DLG1: variants seen among roughly 807,000 people sequenced by gnomAD.
DLG1 encodes discs large MAGUK scaffold protein 1.
A neutral mutation model predicts 123.4 loss-of-function variants in DLG1; 42 were observed. That is an observed-to-expected ratio of 0.34 (90% CI 0.27 to 0.44). The LOEUF is 0.44. DLG1 is among the 20% of genes least tolerant of loss of function. The pLI, the probability that DLG1 is intolerant of heterozygous loss-of-function variation, is 1.00. For synonymous variants in DLG1, 317 were observed against 356.2 expected (o/e 0.89, Z 1.24); for missense variants, 942 against 1,082.6 (o/e 0.87, Z 1.82).
At chr3:197,278,130 A>C (rs1767412048) in intron 4 of DLG1, among the ~76,000 whole-genome samples, 3 of 151,620 alleles carry the variant, frequency 2.0e-5, no homozygotes, top group Non-Finnish European at 4.4e-5. Context: ...ACAAAAATAC[A>C]AAAATTAGCC....
intron 22 of DLG1, among the ~76,000 whole-genome samples, chr3:197,064,077 G>A (rs536997031): frequency 1.3e-5 from 2 of 151,486 alleles, no homozygotes; most frequent in South Asian, 2.1e-4. Flanking sequence ...GCACCACCAC[G>A]CCAAGTTAAT....
chr3:197,054,296 T>C (rs938422717), intron 23 of DLG1, among the ~76,000 whole-genome samples: 13 of 148,630 alleles, frequency 8.7e-5, no homozygotes, highest in Non-Finnish European at 5.9e-5. Context: ...ATTTGGGATG[T>C]TTTTGGCCAT....
intron 5 of DLG1, among the ~76,000 whole-genome samples, chr3:197,163,181 T>G (rs934626728): frequency 6.6e-6 from 1 of 152,164 alleles, no homozygotes; most frequent in African/African-American, 2.4e-5. Context: ...AAGTGTCTAA[T>G]TAAAACAAAA....
In DLG1 at chr3:197,258,459, C is replaced by A. The variant is rs552147320; in HGVS notation, c.318+24220G>T. 1.2e-4 allele frequency among the ~76,000 whole-genome samples: 19 copies of A among 152,212 alleles called. No homozygotes were observed. In the East Asian group the frequency reaches 2.9e-3, roughly 23 times the overall value. ...GGGGGGGAACAACCAAAAAACTAAT[C>A]ATCATTGCTTTAGCTCAACCCACAT... is the stretch of plus-strand genomic sequence containing the variant. On this transcript the variant is annotated intron_variant, in intron 4 of 24. Transcript: ENST00000667157.
intron 4 of DLG1, among the ~76,000 whole-genome samples, chr3:197,198,450 G>C (rs1461935264): frequency 7.2e-6 from 1 of 139,282 alleles, no homozygotes; most frequent in Non-Finnish European, 1.5e-5. Context: ...CCAGGCCACT[G>C]TACTCCAGCC....
intron 5 of DLG1, among the ~76,000 whole-genome samples, chr3:197,162,938 T>C (rs1328206972): frequency 6.6e-6 from 1 of 152,168 alleles, no homozygotes; most frequent in African/African-American, 2.4e-5. Flanking sequence ...GAGAAGGTAT[T>C]TGCAAATCAT....
intron 4 of DLG1, among the ~76,000 whole-genome samples, chr3:197,262,868 A>G (rs540450181): frequency 1.3e-5 from 2 of 152,190 alleles, no homozygotes; most frequent in Non-Finnish European, 2.9e-5. Context: ...ACCTAAATAC[A>G]TATGTATGTA....
chr3:197,056,101 A>T (rs1731488130), intron 23 of DLG1, among the ~76,000 whole-genome samples: 1 of 152,192 alleles, frequency 6.6e-6, no homozygotes, highest in Admixed American at 6.5e-5. Flanking sequence ...TTCCCCTGGA[A>T]GTCATAAGCC....
At chr3:197,266,220 A>C (rs1761622244) in intron 4 of DLG1, among the ~76,000 whole-genome samples, 1 of 152,176 alleles carries the variant, frequency 6.6e-6, no homozygotes, top group Non-Finnish European at 1.5e-5. Flanking sequence ...GCATGTAAAG[A>C]AGCAAGGAAA....
intron 4 of DLG1, among the ~76,000 whole-genome samples, chr3:197,219,348 T>C (rs1420462874): frequency 6.6e-6 from 1 of 152,190 alleles, no homozygotes; most frequent in Non-Finnish European, 1.5e-5. Context: ...TTAAACCACA[T>C]CACCTTTACT....
At position 197,140,184 on chromosome 3, in the gene DLG1, G is replaced by A; in HGVS notation, c.669C>T (p.Thr223=). 1 of 1,613,218 alleles carries A rather than the reference G, an allele frequency of 6.2e-7. No homozygotes were observed. Among genetic ancestry groups the A allele is most frequent in the Non-Finnish European group, 8.5e-7 (1 of 1,179,542 alleles). The change falls in exon 8 of 25, where the codon ACC becomes ACT. Residue 223 remains threonine (T), a synonymous_variant. Transcript: ENST00000667157. ...CGGCTGCTCCCCCTGTGATAATTTT[G>A]GTAATGAAAATACTTGAGTCATCTC... The part of the protein sequence containing the change: ...HIGDDSSIFI[T]KIITGGAAAQ...
intron 10 of DLG1, among the ~76,000 whole-genome samples, chr3:197,132,169 A>C (rs1454385421): frequency 6.6e-6 from 1 of 151,096 alleles, no homozygotes; most frequent in East Asian, 1.9e-4. Flanking sequence ...CAAAGGACCA[A>C]CTTTCAGTTT....
intron 4 of DLG1, among the ~76,000 whole-genome samples, chr3:197,215,365 G>A (rs1227109676): frequency 6.6e-6 from 1 of 152,008 alleles, no homozygotes; most frequent in Non-Finnish European, 1.5e-5. Context: ...TGTGACTCCT[G>A]TATCATACCA....
intron 5 of DLG1, among the ~76,000 whole-genome samples, chr3:197,153,668 CCAATT>C (rs1245009310): frequency 2.6e-5 from 4 of 152,284 alleles, no homozygotes. Flanking sequence ...TTCCTACACA[CCAATT>C]CAATTTTCTT....
At chr3:197,148,411 G>GA (rs780479244) in intron 6 of DLG1, among the ~76,000 whole-genome samples, 1,059 of 42,906 alleles carry the variant, frequency 0.025, 15 homozygotes, top group African/African-American at 0.057. Context: ...ACTGTCTCAA[G>GA]AAAAAAAAAA....
At chr3:197,240,875 G>A (rs1287374614) in intron 4 of DLG1, among the ~76,000 whole-genome samples, 2 of 151,484 alleles carry the variant, frequency 1.3e-5, no homozygotes, top group Non-Finnish European at 2.9e-5. Flanking sequence ...GGAGAAAAAA[G>A]AATGAAAAGC....
At chr3:197,243,638 T>A (rs1291923621) in intron 4 of DLG1, among the ~76,000 whole-genome samples, 1 of 152,132 alleles carries the variant, frequency 6.6e-6, no homozygotes, top group Admixed American at 6.5e-5. Context: ...CCTAGCGCCA[T>A]CCTATTTTCC....
chr3:197,166,720 T>C (rs1258501138), intron 5 of DLG1, among the ~76,000 whole-genome samples: 1 of 152,024 alleles, frequency 6.6e-6, no homozygotes, highest in African/African-American at 2.4e-5. Context: ...TGAAATTCTG[T>C]CTCTACTAAA....
At position 197,296,960 on chromosome 3, in the gene DLG1, G is replaced by GGT. The variant is rs1777707596; in HGVS notation, c.19+225_19+226insAC. 26 of 553,036 alleles carry GGT rather than the reference G, an allele frequency of 4.7e-5. No individual in the cohort carries two copies. The South Asian group carries it at 5.8e-4, about 12-fold the overall frequency. 34.3% of individuals were successfully genotyped at this position (553,036 alleles called of 1,614,324 possible). A position where few individuals can be genotyped will look rare whatever the true frequency, so the allele number is the denominator to read the frequency against. ...GTTATTAAGGACATCTGTTGGGGGG[G>GGT]GGCTAACTGCCTCTCTTAATCACTA... On this transcript the variant is annotated intron_variant, in intron 2 of 24. Coordinates refer to ENST00000667157, the MANE Select transcript of DLG1 (RefSeq NM_001366207.1).
Sources: allele counts gnomAD v4.1 joint callset (sites outside exome capture counted in the v4.1 genomes callset), GRCh38; gene constraint gnomAD v4.1.1; transcripts MANE v1.5; gene names NCBI Gene and HGNC (gene_info 2026-07-23, HGNC 2026-07-21).